FAM219A: variants seen among roughly 807,000 people sequenced by gnomAD.
The protein encoded by FAM219A is family with sequence similarity 219 member A.
Under a neutral mutation model 23.4 loss-of-function variants are expected in FAM219A, and 7 were observed. The ratio of observed to expected loss-of-function variants is 0.30; its 90% CI spans 0.17 to 0.56. The LOEUF (loss-of-function observed/expected upper bound fraction) is 0.56. Among genes scored for constraint, FAM219A ranks in the 20% least tolerant of loss-of-function variants. The probability of loss-of-function intolerance (pLI) is 0.92; values close to 1 mark genes in which losing one functional copy is unlikely to be tolerated. For synonymous variants in FAM219A, 93 were observed against 99.0 expected (o/e 0.94, Z 0.36); for missense variants, 166 against 246.9 (o/e 0.67, Z 2.20).
chr9:34,457,005 GT>G lies in FAM219A; in HGVS notation c.60+1198del. 6.6e-6 allele frequency among the ~76,000 whole-genome samples: 1 copy of G among 152,286 alleles called. No homozygotes were observed. Among genetic ancestry groups the G allele is most frequent in the Admixed American group, 6.5e-5 (1 of 15,308 alleles). On this transcript the variant is annotated intron_variant, in intron 1 of 5. Coordinates refer to ENST00000651358, the MANE Select transcript of FAM219A (RefSeq NM_001184940.2). The surrounding 1 kb of genome is among the most constrained non-coding windows in gnomAD (Gnocchi z 5.1). Reference sequence around the variant, plus strand: ...ACAAAGCACATCTGTCAGCCAGGGGGTTATAGGCCCAAGGGTAGACCTGTTT... The same window carrying G: ...ACAAAGCACATCTGTCAGCCAGGGGGTATAGGCCCAAGGGTAGACCTGTTT...
intron 1 of FAM219A, among the ~76,000 whole-genome samples, chr9:34,414,191 C>T (rs1821920258): frequency 1.3e-5 from 2 of 152,224 alleles, no homozygotes; most frequent in Admixed American, 1.3e-4. Flanking sequence ...TCCATTCAGC[C>T]TAAAGCATTC....
At chr9:34,420,023 A>G (rs183914438) in intron 1 of FAM219A, among the ~76,000 whole-genome samples, 74 of 152,326 alleles carry the variant, frequency 4.9e-4, no homozygotes, top group Admixed American at 1.5e-3. Context: ...TTGCAGCTCT[A>G]AAGCTCAGCT....
At chr9:34,441,175 A>G (rs1034427007) in intron 1 of FAM219A, among the ~76,000 whole-genome samples, 1 of 152,224 alleles carries the variant, frequency 6.6e-6, no homozygotes, top group Non-Finnish European at 1.5e-5. Flanking sequence ...GCCAGAGCCC[A>G]GGCTGGGGCA....
chr9:34,408,390 C>T (rs1821715599), intron 1 of FAM219A, among the ~76,000 whole-genome samples: 1 of 152,198 alleles, frequency 6.6e-6, no homozygotes, highest in African/African-American at 2.4e-5. Context: ...CTCTGGATTT[C>T]CTGTGAGCCC....
At chr9:34,449,369 C>CA (rs954965956) in intron 1 of FAM219A, among the ~76,000 whole-genome samples, 9 of 151,512 alleles carry the variant, frequency 5.9e-5, no homozygotes, top group African/African-American at 1.2e-4. Context: ...TAAAGTTGTC[C>CA]AAAAAAAATA....
At position 34,458,144 on chromosome 9, in the gene FAM219A, T is replaced by A; in HGVS notation, c.60+60A>T. 3 of 1,272,672 alleles carry A rather than the reference T, an allele frequency of 2.4e-6. No individual in the cohort carries two copies. Among genetic ancestry groups the A allele is most frequent in the Non-Finnish European group, 3.2e-6 (3 of 932,922 alleles). 78.8% of individuals were successfully genotyped at this position (1,272,672 alleles called of 1,614,324 possible). On this transcript the variant is annotated intron_variant, in intron 1 of 5. Transcript: ENST00000651358. This position sits in a 1 kb window ranked among gnomAD's most constrained non-coding sequence, Gnocchi z 6.6. ...GCACGATCCCCCCGGCCTGATTCCC[T>A]CCCTCCCCCTCAAGCGACGCCCCCT... is the stretch of plus-strand genomic sequence containing the variant.
At chr9:34,448,601 C>T (rs1284225589) in intron 1 of FAM219A, among the ~76,000 whole-genome samples, 1 of 152,212 alleles carries the variant, frequency 6.6e-6, no homozygotes, top group African/African-American at 2.4e-5. Flanking sequence ...ATTGATACTG[C>T]AGAGGAAGTA....
chr9:34,438,511 T>C (rs1447327139), intron 1 of FAM219A, among the ~76,000 whole-genome samples: 1 of 151,904 alleles, frequency 6.6e-6, no homozygotes, highest in Admixed American at 6.6e-5. Flanking sequence ...AATGCACCAA[T>C]GGACACTCTG....
intron 1 of FAM219A, among the ~76,000 whole-genome samples, chr9:34,436,617 T>G (rs556688724): frequency 1.3e-5 from 2 of 152,328 alleles, no homozygotes; most frequent in South Asian, 4.1e-4. Context: ...AGAAGTAGAA[T>G]AGCTGAGGGG....
At chr9:34,453,396 G>A (rs1823625428) in intron 1 of FAM219A, among the ~76,000 whole-genome samples, 2 of 152,206 alleles carry the variant, frequency 1.3e-5, no homozygotes, top group South Asian at 2.1e-4. Flanking sequence ...CCAAGCTCAT[G>A]TAGTCAGAGT....
chr9:34,407,782 C>T (rs1363612331), intron 1 of FAM219A, among the ~76,000 whole-genome samples: 1 of 152,206 alleles, frequency 6.6e-6, no homozygotes, highest in Non-Finnish European at 1.5e-5. Flanking sequence ...TCTGCCTTTG[C>T]GGATGCAGGG....
intron 1 of FAM219A, among the ~76,000 whole-genome samples, chr9:34,411,124 T>C (rs1468770038): frequency 6.6e-6 from 1 of 152,180 alleles, no homozygotes; most frequent in Non-Finnish European, 1.5e-5. Context: ...AAGGTATCTG[T>C]AGAAAAGGTG....
chr9:34,405,919 C>G lies in FAM219A; in HGVS notation c.106G>C (p.Glu36Gln). 1 of 1,613,756 alleles carries G rather than the reference C, an allele frequency of 6.2e-7. No individual in the cohort carries two copies. The highest frequency in any genetic ancestry group is 8.5e-7 in the Non-Finnish European group (1 of 1,179,816). Reference sequence around the variant, plus strand: ...TAATTCATGGCTACTGACTCACCCTCCCGGGCGTCACAGTCTCCGTCAGAG... The same window carrying G: ...TAATTCATGGCTACTGACTCACCCTGCCGGGCGTCACAGTCTCCGTCAGAG... ...SISDGDCDAREGESVAMNYKP... is the reference protein window; with the variant it reads ...SISDGDCDARQGESVAMNYKP... Residue 36 changes from glutamate (E) to glutamine (Q), a missense_variant, in exon 2 of 6, where the codon GAG (glutamate) becomes CAG (glutamine). Coordinates refer to ENST00000651358, the MANE Select transcript of FAM219A (RefSeq NM_001184940.2).
intron 1 of FAM219A, among the ~76,000 whole-genome samples, chr9:34,454,338 A>T (rs1260833522): frequency 6.6e-6 from 1 of 152,244 alleles, no homozygotes; most frequent in East Asian, 1.9e-4. Flanking sequence ...CAGGAGGCTG[A>T]GACAGGAGAA....
chr9:34,425,770 C>T (rs376742617), intron 1 of FAM219A, among the ~76,000 whole-genome samples: 53 of 152,274 alleles, frequency 3.5e-4, no homozygotes, highest in African/African-American at 1.3e-3. Flanking sequence ...TTTCCCAAAA[C>T]TCTGACCTTG....
intron 2 of FAM219A, among the ~76,000 whole-genome samples, chr9:34,403,329 A>G (rs188719367): frequency 3.3e-5 from 5 of 152,380 alleles, no homozygotes; most frequent in Non-Finnish European, 4.4e-5. Context: ...GTCACTAATT[A>G]TAAGTCTGGT....
intron 1 of FAM219A, chr9:34,406,245 T>C (rs1821632827): frequency 1.0e-6 from 1 of 966,290 alleles, no homozygotes; most frequent in Admixed American, 6.2e-5. Context: ...AAGCCCATCA[T>C]GATTTCTTTA....
At chr9:34,429,224 C>G (rs778717293) in intron 1 of FAM219A, among the ~76,000 whole-genome samples, 1 of 152,180 alleles carries the variant, frequency 6.6e-6, no homozygotes, top group Non-Finnish European at 1.5e-5. Context: ...CCAGGAGGTT[C>G]TTTGAGGTAT....
chr9:34,458,543 G>T lies in FAM219A; in HGVS notation c.-280C>A, dbSNP rs1045458479. Reference sequence around the variant, plus strand: ...GCCTCCTACTCCGCTGCCGCCTCCTGTCAGCAGCTCAGCCACTGCGGTGAC... The same window carrying T: ...GCCTCCTACTCCGCTGCCGCCTCCTTTCAGCAGCTCAGCCACTGCGGTGAC... On this transcript the variant is annotated 5_prime_UTR_variant, in exon 1 of 6. Transcript: ENST00000651358. This position sits in a 1 kb window ranked among gnomAD's most constrained non-coding sequence, Gnocchi z 6.6. The T allele has an allele frequency of 7.9e-6, 3 of 381,864 alleles. No individual in the cohort carries two copies. Among genetic ancestry groups the T allele is most frequent in the Non-Finnish European group, 1.4e-5 (3 of 210,084 alleles). The allele number at this position is 381,864 out of a possible 1,614,324, so 23.7% of individuals were successfully genotyped here.
Sources: gnomAD v4.1 joint callset for allele counts (sites outside exome capture counted in the v4.1 genomes callset) on GRCh38, gnomAD v4.1.1 for gene constraint, Gnocchi (gnomAD v3.1) non-coding constraint, MANE v1.5 for transcripts, NCBI Gene and HGNC (gene_info 2026-07-23, HGNC 2026-07-21) for gene names.